The following COL5A2 variants were observed in gnomAD, a reference collection of about 807,000 sequenced individuals.
COL5A2 encodes the protein collagen alpha-2(V) chain.
In COL5A2, 23 loss-of-function variants were observed where a neutral mutation model predicts 208.2. The ratio of observed to expected loss-of-function variants is 0.11; its 90% CI spans 0.08 to 0.16. The LOEUF is 0.16. Ranked by LOEUF, COL5A2 falls within the 10% of genes least tolerant of loss-of-function variation. COL5A2 has a pLI of 1.00. For synonymous variants in COL5A2, 625 were observed against 628.5 expected (o/e 0.99, Z 0.08); for missense variants, 1,590 against 1,956.4 (o/e 0.81, Z 3.53).
At chr2:189,392,096 T>C in the COL5A2 span, among the ~76,000 whole-genome samples, 1 of 152,170 alleles carries the variant, frequency 6.6e-6, no homozygotes, top group African/African-American at 2.4e-5. Context: ...ATGTTAATAT[T>C]GGCATATACA....
chr2:189,325,184 GA>G, the COL5A2 span, among the ~76,000 whole-genome samples: 1 of 151,960 alleles, frequency 6.6e-6, no homozygotes, highest in Non-Finnish European at 1.5e-5. Context: ...GGGGAAGGGG[GA>G]GGGATAGCAT....
the COL5A2 span, among the ~76,000 whole-genome samples, chr2:189,344,358 C>G: frequency 1.3e-5 from 2 of 152,136 alleles, no homozygotes; most frequent in African/African-American, 2.4e-5. Context: ...CACAGAAGAA[C>G]CTCATGTACT....
chr2:189,357,174 C>T, the COL5A2 span, among the ~76,000 whole-genome samples: 1 of 152,154 alleles, frequency 6.6e-6, no homozygotes, highest in Non-Finnish European at 1.5e-5. Context: ...CTGTCGGCCC[C>T]TACTGGGAGG....
At chr2:189,199,905 A>G (rs1425871333) in intron 1 of COL5A2, among the ~76,000 whole-genome samples, 2 of 152,200 alleles carry the variant, frequency 1.3e-5, no homozygotes, top group Non-Finnish European at 2.9e-5. Context: ...TTGCATCAAC[A>G]GACACTCTTG....
chr2:189,381,473 T>C, the COL5A2 span, among the ~76,000 whole-genome samples: 1 of 152,080 alleles, frequency 6.6e-6, no homozygotes, highest in African/African-American at 2.4e-5. Context: ...ATGTTCTATA[T>C]TATATTAATT....
chr2:189,152,276 T>C (rs1688159594), intron 1 of COL5A2, among the ~76,000 whole-genome samples: 3 of 151,990 alleles, frequency 2.0e-5, no homozygotes, highest in Non-Finnish European at 4.4e-5. Context: ...AAGGTGAGAG[T>C]TTCTAACTTC....
chr2:189,127,180 A>G (rs920431001), intron 1 of COL5A2, among the ~76,000 whole-genome samples: 10 of 152,082 alleles, frequency 6.6e-5, no homozygotes, highest in Non-Finnish European at 1.2e-4. Flanking sequence ...GTTAAAAGGC[A>G]GGGAAAGAGA....
chr2:189,156,026 CTCTT>C (rs966262386), intron 1 of COL5A2, among the ~76,000 whole-genome samples: 2 of 152,160 alleles, frequency 1.3e-5, no homozygotes, highest in African/African-American at 4.8e-5. Flanking sequence ...CATCTTCCGC[CTCTT>C]TCTTTTTTTA....
chr2:189,224,743 A>G (rs967809328), intron 1 of COL5A2, among the ~76,000 whole-genome samples: 1 of 152,082 alleles, frequency 6.6e-6, no homozygotes, highest in African/African-American at 2.4e-5. Flanking sequence ...TTGAAGCATG[A>G]ATAGCAATTC....
At chr2:189,316,789 A>G in the COL5A2 span, among the ~76,000 whole-genome samples, 1 of 151,830 alleles carries the variant, frequency 6.6e-6, no homozygotes, top group Non-Finnish European at 1.5e-5. Context: ...AAAAGCAAAA[A>G]AAAAAAAAAA....
chr2:189,403,890 G>A, the COL5A2 span, among the ~76,000 whole-genome samples: 8 of 152,078 alleles, frequency 5.3e-5, no homozygotes, highest in Non-Finnish European at 1.2e-4. Flanking sequence ...GTGCCACCAT[G>A]CCCAGTTAAT....
In COL5A2 at chr2:189,102,258, T is replaced by A. The variant is rs75637941; in HGVS notation, c.336+2006A>T. ...AGAGACCTACAAGCAAAATGCACTT[T>A]ATACTTGCTTTATATGTAGGGGAAT... On this transcript the variant is annotated intron_variant, in intron 3 of 53. Coordinates refer to ENST00000374866, the MANE Select transcript of COL5A2 (RefSeq NM_000393.5). Among the ~76,000 whole-genome samples the A allele has an allele frequency of 3.4e-3, 520 of 152,224 alleles. 2 individuals are homozygous for A. Among genetic ancestry groups the A allele is most frequent in the South Asian group, 0.015 (73 of 4,830 alleles).
chr2:189,353,261 T>C, the COL5A2 span, among the ~76,000 whole-genome samples: 4 of 152,230 alleles, frequency 2.6e-5, no homozygotes, highest in Non-Finnish European at 4.4e-5. Context: ...AGGAATGTCT[T>C]AGCTATGTGG....
At chr2:189,188,035 A>G (rs1688876828) in intron 1 of COL5A2, among the ~76,000 whole-genome samples, 1 of 151,892 alleles carries the variant, frequency 6.6e-6, no homozygotes, top group Admixed American at 6.6e-5. Context: ...AGGGAAGTTT[A>G]ATCCTGTACC....
At chr2:189,050,489 A>C in intron 43 of COL5A2, 80 bp downstream of exon 43, 1 of 1,201,092 alleles carries the variant, frequency 8.3e-7, no homozygotes, top group Non-Finnish European at 1.2e-6. Context: ...CTATTCATCA[A>C]GCAAAAAAAA....
chr2:189,325,533 C>A, the COL5A2 span, among the ~76,000 whole-genome samples: 1 of 151,834 alleles, frequency 6.6e-6, no homozygotes, highest in African/African-American at 2.4e-5. Context: ...CAGGGAGAGA[C>A]ACAGAGACAT....
At chr2:189,071,248 T>C (rs1353485591) in intron 18 of COL5A2, among the ~76,000 whole-genome samples, 2 of 152,228 alleles carry the variant, frequency 1.3e-5, no homozygotes, top group African/African-American at 4.8e-5. Flanking sequence ...CAGTCATTTT[T>C]GTACAGCATA....
intron 1 of COL5A2, among the ~76,000 whole-genome samples, chr2:189,223,421 C>G (rs1689372392): frequency 6.6e-6 from 1 of 152,054 alleles, no homozygotes; most frequent in Non-Finnish European, 1.5e-5. Context: ...AACACTAGAC[C>G]AAGCTAGGCA....
At chr2:189,044,804 A>G (rs1685629234) in intron 47 of COL5A2, among the ~76,000 whole-genome samples, 1 of 152,138 alleles carries the variant, frequency 6.6e-6, no homozygotes, top group African/African-American at 2.4e-5. Flanking sequence ...TCTAGTTGAA[A>G]ATGAAACATA....
Sources: allele counts gnomAD v4.1 joint callset (sites outside exome capture counted in the v4.1 genomes callset), GRCh38; gene constraint gnomAD v4.1.1; transcripts MANE v1.5; gene names NCBI Gene and HGNC (gene_info 2026-07-23, HGNC 2026-07-21).